Variants in TUBGCP3 observed in about 807,000 individuals in gnomAD.
The protein encoded by TUBGCP3 is gamma-tubulin complex component 3.
A neutral mutation model predicts 123.1 loss-of-function variants in TUBGCP3; 50 were observed. That is an observed-to-expected ratio of 0.41 (90% CI 0.32 to 0.51). TUBGCP3 has a LOEUF of 0.51. Ranked by LOEUF, TUBGCP3 falls within the 20% of genes least tolerant of loss-of-function variation. The pLI, the probability that TUBGCP3 is intolerant of heterozygous loss-of-function variation, is 0.36. For missense variants in TUBGCP3, 882 were observed against 1,127.0 expected, an observed-to-expected ratio of 0.78 and a Z score of 3.11; for synonymous variants, 405 against 413.9, an observed-to-expected ratio of 0.98 and a Z score of 0.26.
chr13:112,593,947 A>G, the TUBGCP3 span, among the ~76,000 whole-genome samples: 22,990 of 152,202 alleles, frequency 0.15, 2,021 homozygotes, highest in East Asian at 0.21. Flanking sequence ...AAAATGGACA[A>G]ATTCCTAAAG....
chr13:112,526,215 T>C (rs1877061171), intron 13 of TUBGCP3, among the ~76,000 whole-genome samples: 2 of 139,624 alleles, frequency 1.4e-5, no homozygotes, highest in Non-Finnish European at 3.1e-5. Context: ...ATCACCACCA[T>C]CATCACCACC....
At chr13:112,587,871 G>C in intron 1 of TUBGCP3, 34 bp downstream of exon 1, 1 of 1,572,416 alleles carries the variant, frequency 6.4e-7, no homozygotes, top group Non-Finnish European at 8.6e-7. Flanking sequence ...CCCCGGGACG[G>C]GTCTGCGGGC....
chr13:112,514,908 A>G (rs1481827526), intron 17 of TUBGCP3, among the ~76,000 whole-genome samples: 1 of 152,236 alleles, frequency 6.6e-6, no homozygotes, highest in Non-Finnish European at 1.5e-5. Flanking sequence ...GGCAAAGAGA[A>G]ATGATGAAAT....
chr13:112,538,506 G>A (rs1878249347), intron 11 of TUBGCP3, among the ~76,000 whole-genome samples: 2 of 152,040 alleles, frequency 1.3e-5, no homozygotes, highest in Admixed American at 1.3e-4. Flanking sequence ...TTCTCAGACT[G>A]GATGGTCTCA....
At chr13:112,536,927 A>G (rs1878103211) in intron 11 of TUBGCP3, among the ~76,000 whole-genome samples, 1 of 151,918 alleles carries the variant, frequency 6.6e-6, no homozygotes, top group Admixed American at 6.6e-5. Flanking sequence ...GTGCACCACT[A>G]CACCTGGCTC....
chr13:112,569,283 G>A lies in TUBGCP3; in HGVS notation c.77-24C>T, dbSNP rs780297519. ...AGCTGAAAGACAAACAAAAGGATGC[G>A]GATTGTTACCAACCAGGTTACGTTC... On this transcript the variant is annotated intron_variant, in intron 1 of 21. Coordinates refer to ENST00000261965, the MANE Select transcript of TUBGCP3 (RefSeq NM_006322.6). The A allele has an allele frequency of 5.3e-5, 85 of 1,610,920 alleles. No homozygotes were observed. The Middle Eastern group carries it at 6.6e-4, about 13-fold the overall frequency.
At chr13:112,557,023 T>A (rs1013731959) in intron 5 of TUBGCP3, among the ~76,000 whole-genome samples, 3 of 152,160 alleles carry the variant, frequency 2.0e-5, no homozygotes, top group Non-Finnish European at 1.5e-5. Context: ...AATCCACTCG[T>A]GAAGTAAGGA....
At position 112,487,085 on chromosome 13, in the gene TUBGCP3, G is replaced by GTGTC. The variant is rs1298898246; in HGVS notation, c.2566-935_2566-934insGACA. Among the ~76,000 whole-genome samples, 14 of 92,152 alleles carry GTGTC rather than the reference G, an allele frequency of 1.5e-4. No individual in the cohort carries two copies. In the South Asian group the frequency reaches 2.5e-3, roughly 16 times the overall value. 60.5% of individuals were successfully genotyped at this position (92,152 alleles called of 152,430 possible). On this transcript the variant is annotated intron_variant, in intron 21 of 21. Transcript: ENST00000261965. ...TGTGTGTGTGTGTGTGTGTGTGTCT[G>GTGTC]TGTGTGTGTGTGTGTGTATCACTGC...
At chr13:112,559,208 C>CA in intron 4 of TUBGCP3, 114 bp downstream of exon 4, 2 of 821,594 alleles carry the variant, frequency 2.4e-6, no homozygotes, top group South Asian at 3.6e-5. Context: ...CCTTCCATGA[C>CA]AGACAAGCTT....
At chr13:112,578,089 G>A (rs1390281892) in intron 1 of TUBGCP3, among the ~76,000 whole-genome samples, 1 of 152,072 alleles carries the variant, frequency 6.6e-6, no homozygotes, top group Non-Finnish European at 1.5e-5. Context: ...GAGGCCTTTG[G>A]AACGCCAATC....
At chr13:112,537,312 A>T (rs1878145499) in intron 11 of TUBGCP3, among the ~76,000 whole-genome samples, 1 of 151,984 alleles carries the variant, frequency 6.6e-6, no homozygotes, top group African/African-American at 2.4e-5. Context: ...GATGCCCTTT[A>T]TTAGTTATGT....
intron 17 of TUBGCP3, among the ~76,000 whole-genome samples, chr13:112,505,188 C>T (rs1245372819): frequency 1.3e-5 from 2 of 152,172 alleles, no homozygotes; most frequent in Non-Finnish European, 2.9e-5. Context: ...GGGAGGTCAG[C>T]GACGAGCTCA....
At chr13:112,504,539 T>A (rs9603903) in intron 18 of TUBGCP3, 87 bp downstream of exon 18, 5 of 917,484 alleles carry the variant, frequency 5.4e-6, no homozygotes, top group Non-Finnish European at 8.1e-6. Flanking sequence ...TATACACACA[T>A]ACATACACAT....
chr13:112,577,966 G>A (rs1881959791), intron 1 of TUBGCP3, among the ~76,000 whole-genome samples: 1 of 152,178 alleles, frequency 6.6e-6, no homozygotes, highest in Non-Finnish European at 1.5e-5. Flanking sequence ...TGCCACATAT[G>A]AAAATTTGTT....
chr13:112,585,635 G>C (rs1357573949), intron 1 of TUBGCP3, among the ~76,000 whole-genome samples: 1 of 152,116 alleles, frequency 6.6e-6, no homozygotes, highest in African/African-American at 2.4e-5. Flanking sequence ...AGCCAGGAGT[G>C]CTGGCATACA....
At chr13:112,540,420 G>A (rs1878421122) in intron 11 of TUBGCP3, among the ~76,000 whole-genome samples, 1 of 144,534 alleles carries the variant, frequency 6.9e-6, no homozygotes, top group Non-Finnish European at 1.5e-5. Context: ...GAGCATTCAG[G>A]TGGTCTTGGG....
chr13:112,544,182 A>ATG (rs1878763784), intron 11 of TUBGCP3, among the ~76,000 whole-genome samples: 3 of 152,008 alleles, frequency 2.0e-5, no homozygotes, highest in Admixed American at 6.6e-5. Context: ...GGCCGGGCGC[A>ATG]GTGGCTCACG....
rs1881169350 is a variant in TUBGCP3 at position 112,504,708 on chromosome 13, G to A, written c.2093C>T (p.Ser698Phe). 6.2e-7 allele frequency: 1 copy of A among 1,613,220 alleles called. No individual in the cohort carries two copies. The highest frequency in any genetic ancestry group is 8.5e-7 in the Non-Finnish European group (1 of 1,179,488). ...AATGTGACACTGGTGCAGCACCCCGGAGAACTCTGCAAGGGAAGAGTTGAC... is the reference window on the plus strand; with the variant it reads ...AATGTGACACTGGTGCAGCACCCCGAAGAACTCTGCAAGGGAAGAGTTGAC... Reference protein sequence around the residue: ...AKLLRNMPEFSGVLHQCHILA... With the variant: ...AKLLRNMPEFFGVLHQCHILA... Residue 698 changes from serine (S) to phenylalanine (F), a missense_variant, in exon 18 of 22, where the codon TCC becomes TTC. Ser to Phe is a radical substitution (Grantham distance 155). Around this residue, in one of 3 missense-constraint regions of TUBGCP3, gnomAD observed 713 missense variants for 874.0 expected, o/e 0.82. Transcript: ENST00000261965.
At position 112,569,240 on chromosome 13, in the gene TUBGCP3, G is replaced by A; in HGVS notation, c.96C>T (p.Phe32=). ...GRSEADVAQQ[F]QYAVRVIGSN... is the part of the protein sequence containing the mutation. ...TGCCAATCACCCGCACAGCATACTGGAACTGCTGGGCTACATCAGCTGAAA... is the reference window on the plus strand; with the variant it reads ...TGCCAATCACCCGCACAGCATACTGAAACTGCTGGGCTACATCAGCTGAAA... The change falls in exon 2 of 22, where the codon TTC becomes TTT. Residue 32 remains phenylalanine, a synonymous_variant. Transcript: ENST00000261965. 1 of 1,614,114 alleles carries A rather than the reference G, an allele frequency of 6.2e-7. No individual in the cohort carries two copies. Among genetic ancestry groups the A allele is most frequent in the Non-Finnish European group, 8.5e-7 (1 of 1,180,018 alleles).
Sources: allele counts gnomAD v4.1 joint callset (sites outside exome capture counted in the v4.1 genomes callset), GRCh38; gene constraint gnomAD v4.1.1; regional missense constraint gnomAD v4.1.1; transcripts MANE v1.5; gene names NCBI Gene and HGNC (gene_info 2026-07-23, HGNC 2026-07-21).